ENPP5: variants seen among roughly 807,000 people sequenced by gnomAD.
ENPP5 encodes ectonucleotide pyrophosphatase/phosphodiesterase family member 5.
Under a neutral mutation model 33.7 loss-of-function variants are expected in ENPP5, and 27 were observed. The ratio of observed to expected loss-of-function variants is 0.80; its 90% confidence interval spans 0.59 to 1.11. The LOEUF (loss-of-function observed/expected upper bound fraction) is 1.11. Ranked by LOEUF, ENPP5 falls within the 50% of genes least tolerant of loss-of-function variation. The probability of loss-of-function intolerance (pLI) is 0.00; values close to 1 mark genes in which losing one functional copy is unlikely to be tolerated. For missense variants in ENPP5, 552 were observed against 579.2 expected, an observed-to-expected ratio of 0.95 and a Z score of 0.48; for synonymous variants, 199 against 200.5, an observed-to-expected ratio of 0.99 and a Z score of 0.06.
Position 46,168,273 on chromosome 6 carries a change from C to G in ENPP5, c.-11G>C. On this transcript the variant is annotated 5_prime_UTR_variant, in exon 3 of 5. Transcript: ENST00000371383. ...AAATTTCGAAGTCATTTTCAAAGTA[C>G]TTGATCAGTTCAGTGTAAGATAATC... is the stretch of plus-strand genomic sequence containing the variant. The G allele has an allele frequency of 6.7e-7, 1 of 1,492,852 alleles. No individual in the cohort carries two copies. The highest frequency in any genetic ancestry group is 9.2e-7 in the Non-Finnish European group (1 of 1,086,020). The allele number at this position is 1,492,852 out of a possible 1,614,324, so 92.5% of individuals were successfully genotyped here.
intron 4 of ENPP5, among the ~76,000 whole-genome samples, chr6:46,163,965 A>C (rs914284663): frequency 9.2e-5 from 14 of 152,226 alleles, no homozygotes; most frequent in African/African-American, 3.4e-4. Context: ...TTAAAGACTT[A>C]AACGCTAGAC....
intron 4 of ENPP5, among the ~76,000 whole-genome samples, chr6:46,163,489 A>T (rs1764449236): frequency 6.6e-6 from 1 of 151,214 alleles, no homozygotes; most frequent in African/African-American, 2.4e-5. Flanking sequence ...TTCTTGCGAT[A>T]GTTTACTGAG....
intron 4 of ENPP5, 147 bp downstream of exon 4, chr6:46,165,240 G>T (rs1764506999): frequency 1.7e-6 from 1 of 584,532 alleles, no homozygotes. Context: ...AGCATTTTTA[G>T]ATAAGTACGA....
chr6:46,162,799 C>G (rs566268068), intron 4 of ENPP5, among the ~76,000 whole-genome samples: 8 of 152,212 alleles, frequency 5.3e-5, no homozygotes, highest in African/African-American at 1.9e-4. Context: ...AAAAATAGCA[C>G]TGAAATTATG....
rs773049968 is a variant in ENPP5 at position 46,167,517 on chromosome 6, A to G, written c.746T>C (p.Leu249Ser). 5 of 1,614,202 alleles carry G rather than the reference A, an allele frequency of 3.1e-6. No individual in the cohort carries two copies. The South Asian group carries it at 4.4e-5, about 14-fold the overall frequency. Residue 249 changes from leucine to serine, a missense_variant, in exon 3 of 5, where the codon TTA (leucine) becomes TCA (serine). Physicochemically the swap from Leu to Ser is moderately radical, Grantham distance 145 (BLOSUM62 -2). Coordinates refer to ENST00000371383, the MANE Select transcript of ENPP5 (RefSeq NM_001290072.2). ...ATCCAGGTACTGGTCAAGTTCTATT[A>G]ACCTTTCCTCAGAGCACTGCGTCAT... is the stretch of plus-strand genomic sequence containing the variant. ...HGMTQCSEERLIELDQYLDKD... is the reference protein window; with the variant it reads ...HGMTQCSEERSIELDQYLDKD...
In ENPP5 at chr6:46,159,569, G is replaced by C. The variant is rs916753875; in HGVS notation, c.*1757C>G. ...ACTTTCTCAGCTTTTTAATCTATAGGCCATTTCCAATTATTTGATTCTATT... is the reference window on the plus strand; with the variant it reads ...ACTTTCTCAGCTTTTTAATCTATAGCCCATTTCCAATTATTTGATTCTATT... On this transcript the variant is annotated 3_prime_UTR_variant, in exon 5 of 5. Coordinates refer to ENST00000371383, the MANE Select transcript of ENPP5 (RefSeq NM_001290072.2). 6.7e-6 allele frequency: 1 copy of C among 149,622 alleles called. No individual in the cohort carries two copies. The highest frequency in any genetic ancestry group is 1.5e-5 in the Non-Finnish European group (1 of 67,106). 9.3% of individuals were successfully genotyped at this position (149,622 alleles called of 1,614,324 possible). A position where few individuals can be genotyped will look rare whatever the true frequency, so the allele number is the denominator to read the frequency against.
Position 46,165,537 on chromosome 6 carries a change from G to A in ENPP5, c.856C>T (p.Leu286=), listed in dbSNP as rs773585362. The stretch of plus-strand genomic sequence containing the variant: ...GTAAGATTAGGATGAGCGTGAGTTA[G>A]TGCTTCATAGACTTCATCAAATTTA... The part of the protein sequence containing the change: ...EGKFDEVYEA[L]THAHPNLTVY... The change falls in exon 4 of 5, where the codon CTA becomes TTA. Residue 286 remains leucine, a synonymous_variant. Coordinates refer to ENST00000371383, the MANE Select transcript of ENPP5 (RefSeq NM_001290072.2). The A allele has an allele frequency of 1.9e-6, 3 of 1,592,590 alleles. No homozygotes were observed. In the African/African-American group the frequency reaches 4.1e-5, roughly 22 times the overall value.
In ENPP5 at chr6:46,168,098, C is replaced by A; in HGVS notation, c.165G>T (p.Met55Ile). The change falls in exon 3 of 5, where the codon ATG becomes ATT. Residue 55 changes from methionine to isoleucine, a missense_variant. Physicochemically the swap from Met to Ile is conservative, Grantham distance 10. Coordinates refer to ENST00000371383, the MANE Select transcript of ENPP5 (RefSeq NM_001290072.2). ...CTTGCTTCACGTGAACACCATATTT[C>A]ATAATATAATGAAAATGGGGCGTTG... Reference protein sequence around the residue: ...KVPTPHFHYIMKYGVHVKQVT... With the variant: ...KVPTPHFHYIIKYGVHVKQVT... The A allele has an allele frequency of 6.2e-7, 1 of 1,613,892 alleles. No individual in the cohort carries two copies. Among genetic ancestry groups the A allele is most frequent in the Non-Finnish European group, 8.5e-7 (1 of 1,179,882 alleles).
chr6:46,165,574 G>A lies in ENPP5; in HGVS notation c.830-11C>T, dbSNP rs1764521683. 1.3e-6 allele frequency: 2 copies of A among 1,540,328 alleles called. No homozygotes were observed. The highest frequency in any genetic ancestry group is 4.7e-5 in the East Asian group (2 of 42,820). On this transcript the variant is annotated splice_polypyrimidine_tract_variant and intron_variant, in intron 3 of 4. Coordinates refer to ENST00000371383, the MANE Select transcript of ENPP5 (RefSeq NM_001290072.2). ...CTTCATCAAATTTACCTAAAGAGAAGGGAGGAGAGGCACTCAGAACAAAAT... is the reference window on the plus strand; with the variant it reads ...CTTCATCAAATTTACCTAAAGAGAAAGGAGGAGAGGCACTCAGAACAAAAT...
Position 46,160,223 on chromosome 6 carries a change from T to G in ENPP5, c.*1103A>C, listed in dbSNP as rs925462858. ...CTGTTCTGGGTGTCTTGTAAACATC[T>G]CACATGTGGTCCTAATTTTTTTTTC... On this transcript the variant is annotated 3_prime_UTR_variant, in exon 5 of 5. Transcript: ENST00000371383. The G allele has an allele frequency of 2.0e-5, 3 of 152,184 alleles. No individual in the cohort carries two copies. Among genetic ancestry groups the G allele is most frequent in the African/African-American group, 7.2e-5 (3 of 41,444 alleles). 9.4% of individuals were successfully genotyped at this position (152,184 alleles called of 1,614,324 possible). A position where few individuals can be genotyped will look rare whatever the true frequency, so the allele number is the denominator to read the frequency against.
intron 3 of ENPP5, 136 bp from the exon 4 acceptor site, chr6:46,165,699 C>G (rs746036835): frequency 3.3e-6 from 2 of 605,520 alleles, no homozygotes; most frequent in Admixed American, 7.3e-5. Context: ...TTGGGGAAAA[C>G]AATTTTGGGA....
In ENPP5 at chr6:46,170,842, G is replaced by A. The variant is rs1232866431; in HGVS notation, c.-132C>T. ...GATCCGTTCAGTCCGTATTAGTTTG[G>A]AGCAACGGGAGGGAGGGTCTGGAGG... is the stretch of plus-strand genomic sequence containing the variant. On this transcript the variant is annotated 5_prime_UTR_variant, in exon 1 of 5. Coordinates refer to ENST00000371383, the MANE Select transcript of ENPP5 (RefSeq NM_001290072.2). 2 of 152,234 alleles carry A rather than the reference G, an allele frequency of 1.3e-5. No individual in the cohort carries two copies. The highest frequency in any genetic ancestry group is 4.8e-5 in the African/African-American group (2 of 41,438). 9.4% of individuals were successfully genotyped at this position (152,234 alleles called of 1,614,324 possible).
In ENPP5 at chr6:46,165,504, T is replaced by A. The variant is rs1403462030; in HGVS notation, c.889A>T (p.Lys297Ter). ...THAHPNLTVY[K>*]KEDVPERWHY... is the part of the protein sequence containing the mutation. ...CACCTTTCTGGAACGTCTTCTTTTT[T>A]GTAAACAGTAAGATTAGGATGAGCG... Residue 297 changes from lysine to a stop codon, truncating the protein, a stop_gained, in exon 4 of 5, where the codon AAA becomes TAA. Transcript: ENST00000371383. LOFTEE classifies it high-confidence loss of function. The A allele has an allele frequency of 6.2e-7, 1 of 1,611,504 alleles. No homozygotes were observed. Among genetic ancestry groups the A allele is most frequent in the Admixed American group, 1.7e-5 (1 of 59,008 alleles).
intron 4 of ENPP5, among the ~76,000 whole-genome samples, chr6:46,164,646 C>T (rs1343733848): frequency 1.3e-5 from 2 of 151,970 alleles, no homozygotes; most frequent in Non-Finnish European, 2.9e-5. Flanking sequence ...TGAGCAAGCC[C>T]TCTAACATAA....
At chr6:46,167,311 A>C in intron 3 of ENPP5, 123 bp downstream of exon 3, 1 of 678,074 alleles carries the variant, frequency 1.5e-6, no homozygotes, top group Non-Finnish European at 2.5e-6. Context: ...TAAATCCCAG[A>C]ATATTACCAT....
At chr6:46,164,732 T>TTG (rs1764487272) in intron 4 of ENPP5, among the ~76,000 whole-genome samples, 1 of 104,416 alleles carries the variant, frequency 9.6e-6, no homozygotes, top group Non-Finnish European at 2.3e-5. Context: ...CTGTTTATTT[T>TTG]TTTTTTTTTG....
rs761226685 is a variant in ENPP5, at chr6:46,168,067, T to A, written c.196A>T (p.Asn66Tyr). The change falls in exon 3 of 5, where the codon AAT (asparagine) becomes TAT (tyrosine). Residue 66 changes from asparagine (N) to tyrosine (Y), a missense_variant. Transcript: ENST00000371383. ...KYGVHVKQVTNVFITKTYPNH... is the reference protein window; with the variant it reads ...KYGVHVKQVTYVFITKTYPNH... ...GGGTAGGTTTTTGTAATAAAAACAT[T>A]AGTAACTTGCTTCACGTGAACACCA... 2 of 1,614,018 alleles carry A rather than the reference T, an allele frequency of 1.2e-6. No individual in the cohort carries two copies. Among genetic ancestry groups the A allele is most frequent in the Admixed American group, 3.3e-5 (2 of 60,012 alleles).
chr6:46,162,922 C>A (rs1426712275), intron 4 of ENPP5, among the ~76,000 whole-genome samples: 1 of 152,164 alleles, frequency 6.6e-6, no homozygotes, highest in Admixed American at 6.5e-5. Context: ...GTGTTCATTT[C>A]TATGAGAAGT....
rs369308300 is a variant in ENPP5, at chr6:46,167,501, C to G, written c.762G>C (p.Gln254His). The G allele has an allele frequency of 6.2e-7, 1 of 1,614,142 alleles. No individual in the cohort carries two copies. Among genetic ancestry groups the G allele is most frequent in the Admixed American group, 1.7e-5 (1 of 60,026 alleles). ...CSEERLIELDQYLDKDHYTLI... is the reference protein window; with the variant it reads ...CSEERLIELDHYLDKDHYTLI... ...GGGTATAGTGGTCTTTATCCAGGTA[C>G]TGGTCAAGTTCTATTAACCTTTCCT... is the stretch of plus-strand genomic sequence containing the variant. The change falls in exon 3 of 5, where the codon CAG becomes CAC. Residue 254 changes from glutamine to histidine, a missense_variant. By Grantham distance (24) the Gln-to-His change is conservative. Transcript: ENST00000371383.
Sources: gnomAD v4.1 joint callset for allele counts (sites outside exome capture counted in the v4.1 genomes callset) on GRCh38, gnomAD v4.1.1 for gene constraint, MANE v1.5 for transcripts, NCBI Gene and HGNC (gene_info 2026-07-23, HGNC 2026-07-21) for gene names.